Variants in ME3 observed in about 807,000 individuals in gnomAD.
ME3 encodes malic enzyme 3, also known as NADP-dependent malic enzyme, mitochondrial.
In ME3, 48 loss-of-function variants were observed where a neutral mutation model predicts 68.9. The observed-to-expected ratio is 0.70, with a 90% CI of 0.55 to 0.89. The LOEUF (loss-of-function observed/expected upper bound fraction) is 0.89. ME3 is among the 40% of genes least tolerant of loss of function. The pLI is 0.00. For synonymous variants in ME3, 320 were observed against 318.8 expected (o/e 1.00, Z -0.04); for missense variants, 675 against 797.4 (o/e 0.85, Z 1.85).
intron 7 of ME3, among the ~76,000 whole-genome samples, chr11:86,477,070 T>C (rs1951120297): frequency 6.6e-6 from 1 of 152,222 alleles, no homozygotes; most frequent in Admixed American, 6.5e-5. Flanking sequence ...CACTCAGGTG[T>C]ATGTTAAACA....
At chr11:86,527,929 A>T (rs1391237442) in intron 4 of ME3, among the ~76,000 whole-genome samples, 1 of 152,266 alleles carries the variant, frequency 6.6e-6, no homozygotes, top group Non-Finnish European at 1.5e-5. Context: ...CATCGAGGCT[A>T]GGAAGAAACT....
intron 7 of ME3, among the ~76,000 whole-genome samples, chr11:86,466,613 G>A (rs7121583): frequency 0.016 from 2,429 of 152,328 alleles, 78 homozygotes; most frequent in African/African-American, 0.055. Flanking sequence ...GAGGAGCACT[G>A]AAATGGCCCA....
intron 2 of ME3, among the ~76,000 whole-genome samples, chr11:86,563,826 G>A (rs79138855): frequency 1.3e-5 from 2 of 152,130 alleles, no homozygotes; most frequent in South Asian, 2.1e-4. Flanking sequence ...TTTTGTATCA[G>A]TACCATGCTG....
chr11:86,532,724 A>G (rs77705449), intron 4 of ME3, among the ~76,000 whole-genome samples: 8,099 of 152,326 alleles, frequency 0.053, 293 homozygotes, highest in Non-Finnish European at 0.081. Flanking sequence ...AACAAAAGCA[A>G]TTCTAAGAGG....
rs765156937 is a variant in ME3 at position 86,670,846 on chromosome 11, G to T, written c.183+916C>A. On this transcript the variant is annotated intron_variant, in intron 2 of 14. Coordinates refer to ENST00000543262, the Ensembl canonical transcript of ME3. The stretch of plus-strand genomic sequence containing the variant: ...TTCAAGTTCAGTGATTCATTTTATT[G>T]TCACAATAACCAAATGAGATAGAAA... Among the ~76,000 whole-genome samples the T allele has an allele frequency of 3.7e-4, 56 of 152,202 alleles. 1 individual carries two copies. The highest frequency in any genetic ancestry group is 2.6e-4 in the Admixed American group (4 of 15,304).
exon 12 of ME3, chr11:86,447,081 C>T (rs1250461633): frequency 6.2e-7 from 1 of 1,613,922 alleles, no homozygotes; most frequent in Non-Finnish European, 8.5e-7. Flanking sequence ...GACCCGGTAG[C>T]ACTTCTCAGC....
In ME3 at chr11:86,595,306, TAGAG is replaced by T. The variant is rs34224480; in HGVS notation, c.184-35487_184-35484del. Among the ~76,000 whole-genome samples the T allele has an allele frequency of 6.0e-4, 48 of 79,818 alleles. 1 individual carries two copies. The highest frequency in any genetic ancestry group is 9.0e-4 in the African/African-American group (23 of 25,420). The allele number at this position is 79,818 out of a possible 152,430, so 52.4% of individuals were successfully genotyped here. On this transcript the variant is annotated intron_variant, in intron 2 of 14. Coordinates refer to ENST00000543262, the Ensembl canonical transcript of ME3. The stretch of plus-strand genomic sequence containing the variant: ...ATATACATATACATATATATATATA[TAGAG>T]AGAGAGAGAGAGAGAGAGAGAGCTT...
At chr11:86,560,681 GATAA>G (rs2139471372) in intron 2 of ME3, among the ~76,000 whole-genome samples, 1 of 147,530 alleles carries the variant, frequency 6.8e-6, no homozygotes, top group South Asian at 2.2e-4. Flanking sequence ...TATATAGATA[GATAA>G]ATATATGTAT....
intron 2 of ME3, among the ~76,000 whole-genome samples, chr11:86,577,042 G>A (rs1958155535): frequency 6.6e-6 from 1 of 152,142 alleles, no homozygotes. Context: ...GTAGAAGCAG[G>A]ATGGAAAGCT....
chr11:86,449,827 C>T (rs1949533072), intron 10 of ME3, 62 bp downstream of exon 10: 1 of 1,256,576 alleles, frequency 8.0e-7, no homozygotes, highest in Non-Finnish European at 1.1e-6. Flanking sequence ...AGACCTCTTC[C>T]AGTCCAGTTC....
intron 2 of ME3, among the ~76,000 whole-genome samples, chr11:86,618,565 A>G (rs1943137011): frequency 1.3e-5 from 2 of 152,088 alleles, no homozygotes; most frequent in South Asian, 4.2e-4. Context: ...TTCTGATATA[A>G]TTTGGATATT....
chr11:86,591,153 T>C (rs1594572586), intron 2 of ME3, among the ~76,000 whole-genome samples: 1 of 151,814 alleles, frequency 6.6e-6, no homozygotes, highest in East Asian at 1.9e-4. Context: ...ATATTTTTCC[T>C]TTTGTAGGGG....
chr11:86,523,067 G>A (rs75944085), intron 4 of ME3, among the ~76,000 whole-genome samples: 1,852 of 152,234 alleles, frequency 0.012, 33 homozygotes, highest in African/African-American at 0.041. Flanking sequence ...TATGGAGGGA[G>A]ACTTAAAGGT....
chr11:86,506,200 C>A (rs1399035771), intron 5 of ME3, among the ~76,000 whole-genome samples: 1 of 152,138 alleles, frequency 6.6e-6, no homozygotes, highest in African/African-American at 2.4e-5. Context: ...TTATTTGGGG[C>A]CTGCTGGAGT....
At chr11:86,640,090 A>G (rs894880132) in intron 2 of ME3, among the ~76,000 whole-genome samples, 2 of 152,208 alleles carry the variant, frequency 1.3e-5, no homozygotes, top group Admixed American at 6.5e-5. Flanking sequence ...CCATTCTCCT[A>G]TTAGTAAGCA....
chr11:86,456,682 G>A (rs1949953862), intron 8 of ME3, among the ~76,000 whole-genome samples: 1 of 152,166 alleles, frequency 6.6e-6, no homozygotes, highest in Non-Finnish European at 1.5e-5. Context: ...AGTGAACTTA[G>A]GCAGTAGATG....
At chr11:86,606,635 T>TA (rs1322221596) in intron 2 of ME3, among the ~76,000 whole-genome samples, 33 of 152,204 alleles carry the variant, frequency 2.2e-4, no homozygotes, top group Admixed American at 2.2e-3. Context: ...CTCATGTTCT[T>TA]ACATGGGCAT....
At chr11:86,578,057 A>C (rs543937923) in intron 2 of ME3, among the ~76,000 whole-genome samples, 2 of 152,306 alleles carry the variant, frequency 1.3e-5, no homozygotes, top group South Asian at 4.1e-4. Flanking sequence ...CTGCTCCTGA[A>C]ATACTTGGTG....
In ME3 at chr11:86,533,978, T is replaced by C. The variant is rs141351494; in HGVS notation, c.467+22575A>G. ...TACAAACATGTACATCATGTTACTGTACTGACTACTGTATGTAATTATAAC... is the reference window on the plus strand; with the variant it reads ...TACAAACATGTACATCATGTTACTGCACTGACTACTGTATGTAATTATAAC... On this transcript the variant is annotated intron_variant, in intron 4 of 14. Transcript: ENST00000543262. 6.3e-3 allele frequency among the ~76,000 whole-genome samples: 964 copies of C among 152,194 alleles called. 9 individuals carry two copies. Among genetic ancestry groups the C allele is most frequent in the African/African-American group, 0.022 (927 of 41,490 alleles).
Sources: gnomAD v4.1 joint callset for allele counts (sites outside exome capture counted in the v4.1 genomes callset) on GRCh38, gnomAD v4.1.1 for gene constraint, MANE v1.5 for transcripts, NCBI Gene and HGNC (gene_info 2026-07-23, HGNC 2026-07-21) for gene names.